The following PLA2G4D variants were observed in gnomAD, a reference collection of about 807,000 sequenced individuals.
PLA2G4D encodes cytosolic phospholipase A2 delta.
Under a neutral mutation model 94.4 loss-of-function variants are expected in PLA2G4D, and 80 were observed. The ratio of observed to expected loss-of-function variants is 0.85; its 90% CI spans 0.71 to 1.02. The LOEUF (loss-of-function observed/expected upper bound fraction) is 1.02. Ranked by LOEUF, PLA2G4D falls within the 50% of genes least tolerant of loss-of-function variation. The pLI, the probability that PLA2G4D is intolerant of heterozygous loss-of-function variation, is 0.00. For synonymous variants in PLA2G4D, 438 were observed against 440.9 expected (o/e 0.99, Z 0.08); for missense variants, 1,050 against 1,034.7 (o/e 1.01, Z -0.20).
At chr15:42,080,926 C>A in intron 12 of PLA2G4D, 71 bp downstream of exon 12, 4 of 1,542,136 alleles carry the variant, frequency 2.6e-6, no homozygotes, top group Non-Finnish European at 3.5e-6. Flanking sequence ...CACAAAGTGT[C>A]CCTCTGGTGC....
In PLA2G4D at chr15:42,088,626, A is replaced by G. The variant is rs112319774; in HGVS notation, c.46-926T>C. Among the ~76,000 whole-genome samples, 1,522 of 152,318 alleles carry G rather than the reference A, an allele frequency of 1.0e-2. 22 individuals carry two copies. The highest frequency in any genetic ancestry group is 0.033 in the African/African-American group (1,376 of 41,562). ...GCCCCTTTGATGTGAGGTTACTCAA[A>G]TCGGTTTGGCAGGGCAAATGGCATT... On this transcript the variant is annotated intron_variant, in intron 1 of 19. Coordinates refer to ENST00000290472, the MANE Select transcript of PLA2G4D (RefSeq NM_178034.4).
chr15:42,092,754 G>A (rs929205957), intron 1 of PLA2G4D, among the ~76,000 whole-genome samples: 4 of 152,166 alleles, frequency 2.6e-5, no homozygotes, highest in African/African-American at 7.2e-5. Context: ...CAGGGCACAC[G>A]TTTGCCAGGA....
At chr15:42,075,238 A>C (rs1398023046) in intron 13 of PLA2G4D, among the ~76,000 whole-genome samples, 1 of 152,280 alleles carries the variant, frequency 6.6e-6, no homozygotes, top group Non-Finnish European at 1.5e-5. Flanking sequence ...AAGCTTGCAC[A>C]TAAAACCGTG....
chr15:42,081,066 A>G lies in PLA2G4D; in HGVS notation c.1025T>C (p.Leu342Pro), dbSNP rs1890025624. 6.2e-7 allele frequency: 1 copy of G among 1,614,064 alleles called. No homozygotes were observed. Among genetic ancestry groups the G allele is most frequent in the Non-Finnish European group, 8.5e-7 (1 of 1,180,040 alleles). The change falls in exon 12 of 20, where the codon CTA becomes CCA. Residue 342 changes from leucine (L) to proline (P), a missense_variant. By Grantham distance (98) the Leu-to-Pro change is moderately conservative (BLOSUM62 -3). Transcript: ENST00000290472. ...GAGGCCCAGCTTCTGCAAGGCCAATAGGTGGCCGTAGAGTGAGGTCATGGC... is the reference window on the plus strand; with the variant it reads ...GAGGCCCAGCTTCTGCAAGGCCAATGGGTGGCCGTAGAGTGAGGTCATGGC... ...ARAMTSLYGH[L>P]LALQKLGLLD...
At chr15:42,091,862 C>G (rs1179733375) in intron 1 of PLA2G4D, among the ~76,000 whole-genome samples, 1 of 151,768 alleles carries the variant, frequency 6.6e-6, no homozygotes, top group Admixed American at 6.6e-5. Flanking sequence ...CTCTCTGCCT[C>G]GGCTACCAGG....
chr15:42,088,989 A>T (rs1595599412), intron 1 of PLA2G4D, among the ~76,000 whole-genome samples: 1 of 152,090 alleles, frequency 6.6e-6, no homozygotes, highest in East Asian at 1.9e-4. Flanking sequence ...CCAGAAAAAA[A>T]CCCGTGCTGG....
At chr15:42,091,124 A>G (rs1357742193) in intron 1 of PLA2G4D, among the ~76,000 whole-genome samples, 1 of 152,218 alleles carries the variant, frequency 6.6e-6, no homozygotes, top group Non-Finnish European at 1.5e-5. Flanking sequence ...TAGGGTGACA[A>G]TACTGTACTA....
At chr15:42,083,109 C>A in intron 8 of PLA2G4D, 89 bp downstream of exon 8, 1 of 1,525,102 alleles carries the variant, frequency 6.6e-7, no homozygotes, top group Non-Finnish European at 8.8e-7. Flanking sequence ...GGCCTTGGCC[C>A]TGGTGGGCAG....
chr15:42,083,429 G>A (rs1566864160), intron 7 of PLA2G4D, 95 bp from the exon 8 acceptor site: 1 of 1,503,208 alleles, frequency 6.7e-7, no homozygotes, highest in Middle Eastern at 1.8e-4. Context: ...TTCAGAGGAT[G>A]CCTGGGAGGC....
At position 42,084,083 on chromosome 15, in the gene PLA2G4D, G is replaced by T. The variant is rs1890095090; in HGVS notation, c.472-304C>A. On this transcript the variant is annotated intron_variant, in intron 6 of 19. Coordinates refer to ENST00000290472, the MANE Select transcript of PLA2G4D (RefSeq NM_178034.4). This position sits in a 1 kb window ranked among gnomAD's most constrained non-coding sequence, Gnocchi z 4.8. ...CTCAGACACAGCTGTTTCTTCTCTT[G>T]TTTCCCTGTGGCTTGGAGCTGGAGG... is the stretch of plus-strand genomic sequence containing the variant. The T allele has an allele frequency of 5.4e-6, 2 of 371,152 alleles. No individual in the cohort carries two copies. The highest frequency in any genetic ancestry group is 9.6e-5 in the East Asian group (2 of 20,744). The allele number at this position is 371,152 out of a possible 1,614,324, so 23.0% of individuals were successfully genotyped here. A position where few individuals can be genotyped will look rare whatever the true frequency, so the allele number is the denominator to read the frequency against.
chr15:42,070,068 G>A lies in PLA2G4D; in HGVS notation c.2071C>T (p.Arg691Trp), dbSNP rs766201188. The change falls in exon 19 of 20, where the codon CGG (arginine) becomes TGG (tryptophan). Residue 691 changes from arginine (R) to tryptophan (W), a missense_variant. Arg to Trp is a moderately radical substitution (Grantham distance 101). Transcript: ENST00000290472. ...EALQQTELYC[R>W]ARGLPFPRVE... The stretch of plus-strand genomic sequence containing the variant: ...CGGGGGAAGGGCAGCCCCCGGGCCC[G>A]GCAGTACAGCTCCGTCTGCTGCAGT... The A allele has an allele frequency of 9.9e-6, 15 of 1,521,948 alleles. No individual in the cohort carries two copies. Among genetic ancestry groups the A allele is most frequent in the African/African-American group, 5.6e-5 (4 of 70,818 alleles). The allele number at this position is 1,521,948 out of a possible 1,614,324, so 94.3% of individuals were successfully genotyped here.
chr15:42,081,396 G>A (rs2141098649), intron 11 of PLA2G4D, 83 bp downstream of exon 11: 1 of 1,547,916 alleles, frequency 6.5e-7, no homozygotes, highest in Non-Finnish European at 8.7e-7. Flanking sequence ...ACTGACTGGA[G>A]TTTCTGGAGA....
rs1320926409 is a variant in PLA2G4D, at chr15:42,071,289, G to A, written c.1710C>T (p.Thr570=). 2 of 1,591,378 alleles carry A rather than the reference G, an allele frequency of 1.3e-6. No homozygotes were observed. The highest frequency in any genetic ancestry group is 2.3e-5 in the South Asian group (2 of 87,950). The change falls in exon 17 of 20, where the codon ACC becomes ACT. Residue 570 remains threonine (T), a synonymous_variant. Coordinates refer to ENST00000290472, the MANE Select transcript of PLA2G4D (RefSeq NM_178034.4). ...LEKEPLTTSG[T]SSRLEASWLQ... is the part of the protein sequence containing the mutation. ...GCCACGAGGCCTCCAGCCGCGAGGA[G>A]GTCCCCGAGGTGGTCAGGGGCTCCT... is the stretch of plus-strand genomic sequence containing the variant.
rs1262251861 is a variant in PLA2G4D, at chr15:42,083,739, G to A, written c.512C>T (p.Thr171Ile). 1 of 1,614,022 alleles carries A rather than the reference G, an allele frequency of 6.2e-7. No homozygotes were observed. Among genetic ancestry groups the A allele is most frequent in the Admixed American group, 1.7e-5 (1 of 60,024 alleles). The part of the protein sequence containing the change: ...LSCLDVHLDS[T>I]GSTAVVADQD... ...ACCTGCAACCACAGCGGTGCTCCCT[G>A]TGCTGTCCAGATGCACATCCAGGCA... is the stretch of plus-strand genomic sequence containing the variant. Residue 171 changes from threonine to isoleucine, a missense_variant, in exon 7 of 20, where the codon ACA becomes ATA. Transcript: ENST00000290472.
At chr15:42,072,547 C>T (rs1043422380) in intron 13 of PLA2G4D, among the ~76,000 whole-genome samples, 155 bp from the exon 14 acceptor site, 1 of 152,124 alleles carries the variant, frequency 6.6e-6, no homozygotes. Context: ...AGTTCCCACT[C>T]CTGCCCCTGT....
In PLA2G4D at chr15:42,094,539, G is replaced by A. The variant is rs1890303646; in HGVS notation, c.-80C>T. ...TGGCTGAGTGGCAGCGACGGTCCCA[G>A]TGGGATAGGACCAGCATGAATCTGC... On this transcript the variant is annotated 5_prime_UTR_variant, in exon 1 of 20. Coordinates refer to ENST00000290472, the MANE Select transcript of PLA2G4D (RefSeq NM_178034.4). 5.2e-6 allele frequency: 8 copies of A among 1,546,216 alleles called. No homozygotes were observed.
In PLA2G4D at chr15:42,084,177, G is replaced by A. The variant is rs1014161597; in HGVS notation, c.472-398C>T. 3 of 199,820 alleles carry A rather than the reference G, an allele frequency of 1.5e-5. No homozygotes were observed. Among genetic ancestry groups the A allele is most frequent in the South Asian group, 9.6e-5 (1 of 10,388 alleles). The allele number at this position is 199,820 out of a possible 1,614,324, so 12.4% of individuals were successfully genotyped here. A position where few individuals can be genotyped will look rare whatever the true frequency, so the allele number is the denominator to read the frequency against. On this transcript the variant is annotated intron_variant, in intron 6 of 19. Transcript: ENST00000290472. The surrounding 1 kb of genome is among the most constrained non-coding windows in gnomAD (Gnocchi z 4.8). ...TCCATAGGAGGGTAGACGGGGCGTC[G>A]GACAAACCCTCAGAACGTCTCCTGG...
chr15:42,090,969 TC>T (rs919609955), intron 1 of PLA2G4D, among the ~76,000 whole-genome samples: 1 of 152,126 alleles, frequency 6.6e-6, no homozygotes, highest in African/African-American at 2.4e-5. Flanking sequence ...TCTGTGAGCC[TC>T]CCCCTTTTTT....
At chr15:42,080,912 C>T in intron 12 of PLA2G4D, 85 bp downstream of exon 12, 1 of 1,498,372 alleles carries the variant, frequency 6.7e-7, no homozygotes, top group Non-Finnish European at 8.9e-7. Context: ...ACTTGGCCTC[C>T]CCACACAAAG....
Sources: allele counts gnomAD v4.1 joint callset (sites outside exome capture counted in the v4.1 genomes callset), GRCh38; gene constraint gnomAD v4.1.1; non-coding constraint Gnocchi (gnomAD v3.1); transcripts MANE v1.5; gene names NCBI Gene and HGNC (gene_info 2026-07-23, HGNC 2026-07-21).